The following BCL11B variants were observed in gnomAD, a reference collection of about 807,000 sequenced individuals.
BCL11B encodes BCL11 transcription factor B.
A neutral mutation model predicts 49.9 loss-of-function variants in BCL11B; 8 were observed. That is an observed-to-expected ratio of 0.16 (90% CI 0.09 to 0.29). BCL11B has a LOEUF of 0.29. Ranked by LOEUF, BCL11B falls within the 10% of genes least tolerant of loss-of-function variation. BCL11B has a pLI of 1.00. For missense variants in BCL11B, 1,006 were observed against 1,351.0 expected, an observed-to-expected ratio of 0.74 and a Z score of 4.00; for synonymous variants, 739 against 637.4, an observed-to-expected ratio of 1.16 and a Z score of -2.40.
rs1010586637 is a variant in BCL11B at position 99,174,786 on chromosome 14, C to T, written c.2050G>A (p.Ala684Thr). The stretch of plus-strand genomic sequence containing the variant: ...TTCTCCACCTTGATGCGCTTGGCGG[C>T]GCTGTTGAGCCCGGGGCTGGGCAGC... ...APLPSPGLNSAAKRIKVEKDL... is the reference protein window; with the variant it reads ...APLPSPGLNSTAKRIKVEKDL... Residue 684 changes from alanine (A) to threonine (T), a missense_variant, in exon 4 of 4, where the codon GCC becomes ACC. By Grantham distance (58) the Ala-to-Thr change is moderately conservative. Transcript: ENST00000357195. 2 of 1,455,340 alleles carry T rather than the reference C, an allele frequency of 1.4e-6. No homozygotes were observed. Among genetic ancestry groups the T allele is most frequent in the African/African-American group, 1.5e-5 (1 of 67,706 alleles). 90.2% of individuals were successfully genotyped at this position (1,455,340 alleles called of 1,614,324 possible).
In BCL11B at chr14:99,175,609, C is replaced by T. The variant is rs753986664; in HGVS notation, c.1227G>A (p.Leu409=). 8 of 1,564,302 alleles carry T rather than the reference C, an allele frequency of 5.1e-6. No homozygotes were observed. The highest frequency in any genetic ancestry group is 8.6e-7 in the Non-Finnish European group (1 of 1,161,716). ...GCGTGCCGCCAGGGGGCATGGGCGG[C>T]AGCGGCGGCGTGCTCAGGAACGGGG... ...PKSPFLSTPP[L]PPMPPGGTPP... Residue 409 remains leucine (L), a synonymous_variant, in exon 4 of 4, where the codon CTG becomes CTA. Transcript: ENST00000357195.
chr14:99,202,427 T>G (rs964558099), intron 3 of BCL11B, among the ~76,000 whole-genome samples: 6 of 152,228 alleles, frequency 3.9e-5, no homozygotes, highest in Non-Finnish European at 5.9e-5. Flanking sequence ...TCCCAGCTTG[T>G]CAGCTCACTG....
chr14:99,186,505 A>G (rs1886857515), intron 3 of BCL11B, among the ~76,000 whole-genome samples: 1 of 152,146 alleles, frequency 6.6e-6, no homozygotes, highest in Non-Finnish European at 1.5e-5. Flanking sequence ...GGGTGATGGA[A>G]CAAGACTCCG....
At chr14:99,238,340 G>A (rs1000895454) in intron 2 of BCL11B, among the ~76,000 whole-genome samples, 3 of 152,132 alleles carry the variant, frequency 2.0e-5, no homozygotes, top group Non-Finnish European at 4.4e-5. Flanking sequence ...TTAGAGGCAG[G>A]CACGCTTGGG....
chr14:99,215,639 A>G (rs1033175880), intron 3 of BCL11B, among the ~76,000 whole-genome samples: 2 of 152,206 alleles, frequency 1.3e-5, no homozygotes, highest in African/African-American at 4.8e-5. Flanking sequence ...GGGACAGAAC[A>G]CTGATTCCAG....
rs79379433 is a variant in BCL11B, at chr14:99,224,048, C to T, written c.640+7297G>A. 3.1e-3 allele frequency among the ~76,000 whole-genome samples: 478 copies of T among 152,342 alleles called. 2 individuals carry two copies. The highest frequency in any genetic ancestry group is 4.8e-3 in the East Asian group (25 of 5,182). On this transcript the variant is annotated intron_variant, in intron 3 of 3. Coordinates refer to ENST00000357195, the MANE Select transcript of BCL11B (RefSeq NM_138576.4). ...GCAAGGACCCCGTCATGCCCATTTC[C>T]GGATCCCTCAGTCCAGCCCAGGGTC...
intron 3 of BCL11B, among the ~76,000 whole-genome samples, chr14:99,218,791 G>A (rs1887927817): frequency 6.6e-6 from 1 of 152,188 alleles, no homozygotes; most frequent in South Asian, 2.1e-4. Flanking sequence ...TTATTTAGGG[G>A]CAAGGTCACT....
At position 99,192,296 on chromosome 14, in the gene BCL11B, C is replaced by A. The variant is rs905612968; in HGVS notation, c.641-16101G>T. ...ACAGTAGCACTTTCATTTTAAGCGC[C>A]CCAGCCACGCTTCCCTAATAACAGC... On this transcript the variant is annotated intron_variant, in intron 3 of 3. Transcript: ENST00000357195. This position sits in a 1 kb window ranked among gnomAD's most constrained non-coding sequence, Gnocchi z 4.0. 2.0e-5 allele frequency among the ~76,000 whole-genome samples: 3 copies of A among 152,080 alleles called. No homozygotes were observed. The highest frequency in any genetic ancestry group is 7.2e-5 in the African/African-American group (3 of 41,402).
chr14:99,249,814 G>C (rs1328596531), intron 2 of BCL11B, among the ~76,000 whole-genome samples: 2 of 152,144 alleles, frequency 1.3e-5, no homozygotes, highest in South Asian at 4.1e-4. Context: ...CACACAGTAA[G>C]ATCTAGTAAG....
intron 1 of BCL11B, among the ~76,000 whole-genome samples, chr14:99,268,059 GTTGTT>G (rs1158351659): frequency 6.6e-6 from 1 of 151,978 alleles, no homozygotes; most frequent in Non-Finnish European, 1.5e-5. Context: ...TTGCCACTGT[GTTGTT>G]TTGTGTTTGT....
rs1888340824 is a variant in BCL11B, at chr14:99,231,664, C to CG, written c.428-108dup. On this transcript the variant is annotated intron_variant, in intron 2 of 3. Coordinates refer to ENST00000357195, the MANE Select transcript of BCL11B (RefSeq NM_138576.4). This position sits in a 1 kb window ranked among gnomAD's most constrained non-coding sequence, Gnocchi z 8.1. Reference sequence around the variant, plus strand: ...GTGGGGCTCTGCTCAGGCCACCCTTCGGGGGTGGGAGGCCCCCGGGGTGCC... The same window carrying CG: ...GTGGGGCTCTGCTCAGGCCACCCTTCGGGGGGTGGGAGGCCCCCGGGGTGCC... The CG allele has an allele frequency of 1.9e-6, 2 of 1,030,386 alleles. No homozygotes were observed. Among genetic ancestry groups the CG allele is most frequent in the Non-Finnish European group, 2.6e-6 (2 of 757,202 alleles). The allele number at this position is 1,030,386 out of a possible 1,614,324, so 63.8% of individuals were successfully genotyped here. A position where few individuals can be genotyped will look rare whatever the true frequency, so the allele number is the denominator to read the frequency against.
rs1887125214 is a variant in BCL11B, at chr14:99,194,507, T to C, written c.641-18312A>G. On this transcript the variant is annotated intron_variant, in intron 3 of 3. Coordinates refer to ENST00000357195, the MANE Select transcript of BCL11B (RefSeq NM_138576.4). This position sits in a 1 kb window ranked among gnomAD's most constrained non-coding sequence, Gnocchi z 4.6. Reference sequence around the variant, plus strand: ...TGCCCATGCACCTTGAACAAAGGACTGAACACTATGGGGTTCTATTCCCAA... The same window carrying C: ...TGCCCATGCACCTTGAACAAAGGACCGAACACTATGGGGTTCTATTCCCAA... Among the ~76,000 whole-genome samples, 1 of 152,234 alleles carries C rather than the reference T, an allele frequency of 6.6e-6. No individual in the cohort carries two copies. The highest frequency in any genetic ancestry group is 2.4e-5 in the African/African-American group (1 of 41,464).
In BCL11B at chr14:99,271,298, G is replaced by GCGCCGCTGCCGCGCCGCTGC; in HGVS notation, c.-81_-80insGCAGCGGCGCGGCAGCGGCG. On this transcript the variant is annotated 5_prime_UTR_variant, in exon 1 of 4. Transcript: ENST00000357195. The stretch of plus-strand genomic sequence containing the variant: ...GGGGGAGGGGGTCCGAGCCGCCGCC[G>GCGCCGCTGCCGCGCCGCTGC]CGCCGCTGCCGCCGCTGCCGCCGCC... 1.1e-6 allele frequency: 1 copy of GCGCCGCTGCCGCGCCGCTGC among 885,084 alleles called. No homozygotes were observed. Among genetic ancestry groups the GCGCCGCTGCCGCGCCGCTGC allele is most frequent in the Non-Finnish European group, 1.5e-6 (1 of 675,886 alleles). 54.8% of individuals were successfully genotyped at this position (885,084 alleles called of 1,614,324 possible).
chr14:99,220,742 C>G (rs1887983427), intron 3 of BCL11B, among the ~76,000 whole-genome samples: 1 of 152,152 alleles, frequency 6.6e-6, no homozygotes, highest in African/African-American at 2.4e-5. Flanking sequence ...TAATGTTTAT[C>G]TTACCACAAT....
chr14:99,199,692 G>A (rs1364828817), intron 3 of BCL11B, among the ~76,000 whole-genome samples: 8 of 63,852 alleles, frequency 1.3e-4, no homozygotes, highest in East Asian at 8.2e-4. Context: ...GTGCGCGCGC[G>A]CGCGCACGTG....
intron 3 of BCL11B, among the ~76,000 whole-genome samples, chr14:99,212,320 C>T (rs536222556): frequency 1.4e-5 from 2 of 142,470 alleles, no homozygotes; most frequent in East Asian, 3.9e-4. Flanking sequence ...CCCATGTTGT[C>T]CAAATGTGCA....
intron 2 of BCL11B, among the ~76,000 whole-genome samples, chr14:99,252,114 C>G (rs1420540310): frequency 6.6e-6 from 1 of 152,202 alleles, no homozygotes; most frequent in Non-Finnish European, 1.5e-5. Flanking sequence ...TCAGCCATCC[C>G]AACACCCAAA....
At chr14:99,200,901 A>G (rs1887361273) in intron 3 of BCL11B, among the ~76,000 whole-genome samples, 1 of 152,200 alleles carries the variant, frequency 6.6e-6, no homozygotes, top group African/African-American at 2.4e-5. Context: ...CATGGGAAGC[A>G]GCCCCCCAGT....
intron 3 of BCL11B, among the ~76,000 whole-genome samples, chr14:99,220,977 A>C (rs1389379729): frequency 6.6e-6 from 1 of 151,992 alleles, no homozygotes; most frequent in Admixed American, 6.6e-5. Flanking sequence ...CAGCCTCCCA[A>C]GTAGCTGGGA....
Sources: allele counts gnomAD v4.1 joint callset (sites outside exome capture counted in the v4.1 genomes callset), GRCh38; gene constraint gnomAD v4.1.1; non-coding constraint Gnocchi (gnomAD v3.1); transcripts MANE v1.5; gene names NCBI Gene and HGNC (gene_info 2026-07-23, HGNC 2026-07-21).